LIN52: variants seen among roughly 807,000 people sequenced by gnomAD.
LIN52 encodes protein lin-52 homolog.
In LIN52, 4 loss-of-function variants were observed where a neutral mutation model predicts 18.5. That is an observed-to-expected ratio of 0.22 (90% CI 0.11 to 0.49). The LOEUF is 0.49. Ranked by LOEUF, LIN52 falls within the 20% of genes least tolerant of loss-of-function variation. The probability of loss-of-function intolerance (pLI) is 0.97; values close to 1 mark genes in which losing one functional copy is unlikely to be tolerated. For missense variants in LIN52, 102 were observed against 139.5 expected (o/e 0.73, Z 1.35); for synonymous variants, 34 against 45.5 (o/e 0.75, Z 1.02).
At chr14:74,094,439 G>A (rs1022747869) in intron 2 of LIN52, among the ~76,000 whole-genome samples, 1 of 151,632 alleles carries the variant, frequency 6.6e-6, no homozygotes, top group African/African-American at 2.4e-5. Context: ...AAAAAATTTT[G>A]GGGGGGACAA....
In LIN52 at chr14:74,131,206, T is replaced by C. The variant is rs1057107899; in HGVS notation, c.283+29968T>C. On this transcript the variant is annotated intron_variant, in intron 5 of 5. Transcript: ENST00000555028. ...TTGTCCAGTATAGTTGTGCTTTTCA[T>C]GGCTGTTAGCAATCTTGAGTAAACC... Among the ~76,000 whole-genome samples, 3 of 152,340 alleles carry C rather than the reference T, an allele frequency of 2.0e-5. No homozygotes were observed. In the East Asian group the frequency reaches 5.8e-4, roughly 29 times the overall value.
intron 5 of LIN52, 117 bp from the exon 6 acceptor site, chr14:74,198,805 G>T: frequency 1.3e-6 from 1 of 760,418 alleles, no homozygotes; most frequent in Non-Finnish European, 2.2e-6. Context: ...TGAATCTGTT[G>T]TGATAGCAAC....
At chr14:74,135,042 T>G (rs1179495465) in intron 5 of LIN52, among the ~76,000 whole-genome samples, 3 of 152,074 alleles carry the variant, frequency 2.0e-5, no homozygotes, top group Non-Finnish European at 2.9e-5. Context: ...CTGAACCTTC[T>G]TTGAGGTAGG....
intron 5 of LIN52, among the ~76,000 whole-genome samples, chr14:74,196,025 G>A (rs1356250176): frequency 1.3e-5 from 2 of 152,082 alleles, no homozygotes; most frequent in Non-Finnish European, 2.9e-5. Flanking sequence ...TTTAGGGAGC[G>A]GCTGTGTCAT....
chr14:74,161,659 C>T (rs1478925784), intron 5 of LIN52, among the ~76,000 whole-genome samples: 1 of 152,204 alleles, frequency 6.6e-6, no homozygotes, highest in African/African-American at 2.4e-5. Flanking sequence ...TGAGGTTCAG[C>T]CCTCTGAAGG....
chr14:74,180,866 T>C (rs1385624589), intron 5 of LIN52, among the ~76,000 whole-genome samples: 1 of 152,022 alleles, frequency 6.6e-6, no homozygotes, highest in Non-Finnish European at 1.5e-5. Flanking sequence ...ATCGGTACTT[T>C]GGGAGGCTGA....
At chr14:74,089,010 C>A (rs759588893) in intron 1 of LIN52, among the ~76,000 whole-genome samples, 1 of 152,030 alleles carries the variant, frequency 6.6e-6, no homozygotes, top group Non-Finnish European at 1.5e-5. Flanking sequence ...GAGAGAGACA[C>A]GAACTGATTG....
chr14:74,085,100 CT>C, intron 1 of LIN52, 107 bp downstream of exon 1: 6 of 1,049,966 alleles, frequency 5.7e-6, no homozygotes, highest in Non-Finnish European at 7.7e-6. Context: ...TTGGGCTCTT[CT>C]CCTTTCCCTT....
intron 5 of LIN52, among the ~76,000 whole-genome samples, chr14:74,166,293 C>T (rs531921103): frequency 3.3e-5 from 5 of 152,124 alleles, no homozygotes; most frequent in African/African-American, 4.8e-5. Flanking sequence ...CTCAGCTCAC[C>T]GCAACCTCCG....
intron 2 of LIN52, among the ~76,000 whole-genome samples, chr14:74,094,378 G>A (rs2060793938): frequency 6.6e-6 from 1 of 151,790 alleles, no homozygotes; most frequent in South Asian, 2.1e-4. Context: ...TCTCACTTCA[G>A]CCTCCTGAGT....
At chr14:74,124,394 G>A (rs1254094382) in intron 5 of LIN52, among the ~76,000 whole-genome samples, 1 of 152,144 alleles carries the variant, frequency 6.6e-6, no homozygotes, top group Non-Finnish European at 1.5e-5. Flanking sequence ...GTATCTTAAA[G>A]ATTCAGTTTC....
At chr14:74,131,586 G>C (rs2061068040) in intron 5 of LIN52, among the ~76,000 whole-genome samples, 1 of 152,182 alleles carries the variant, frequency 6.6e-6, no homozygotes, top group Non-Finnish European at 1.5e-5. Context: ...AAAGTGCTGG[G>C]ATTACAGGCG....
intron 5 of LIN52, among the ~76,000 whole-genome samples, chr14:74,165,932 C>T (rs1334451384): frequency 1.3e-5 from 2 of 151,458 alleles, no homozygotes; most frequent in African/African-American, 2.4e-5. Flanking sequence ...GTTCTTCTTG[C>T]CCAGGCTAGG....
chr14:74,092,312 TATG>T (rs541640550), intron 2 of LIN52, among the ~76,000 whole-genome samples: 27 of 116,872 alleles, frequency 2.3e-4, no homozygotes, highest in African/African-American at 6.6e-4. Flanking sequence ...TATATATATA[TATG>T]TTTTTTTTAG....
chr14:74,182,318 G>T (rs1420559637), intron 5 of LIN52, among the ~76,000 whole-genome samples: 1 of 152,042 alleles, frequency 6.6e-6, no homozygotes, highest in East Asian at 1.9e-4. Context: ...GACCTTTTGT[G>T]CATTTTTTCC....
chr14:74,127,286 G>A (rs957290346), intron 5 of LIN52, among the ~76,000 whole-genome samples: 1 of 152,210 alleles, frequency 6.6e-6, no homozygotes, highest in African/African-American at 2.4e-5. Context: ...AAGAGGGCAG[G>A]GATGGGTCTC....
At chr14:74,114,237 A>T in intron 5 of LIN52, 3 of 981,760 alleles carry the variant, frequency 3.1e-6, no homozygotes, top group Non-Finnish European at 3.6e-6. Flanking sequence ...GCTTTAAAAA[A>T]TTTTATTCTA....
intron 1 of LIN52, among the ~76,000 whole-genome samples, chr14:74,089,011 G>A (rs959948301): frequency 6.6e-6 from 1 of 152,114 alleles, no homozygotes; most frequent in African/African-American, 2.4e-5. Context: ...AGAGAGACAC[G>A]AACTGATTGA....
chr14:74,119,160 C>CTTTT (rs543503099), intron 5 of LIN52, among the ~76,000 whole-genome samples: 90 of 115,386 alleles, frequency 7.8e-4, no homozygotes, highest in Middle Eastern at 4.7e-3. Flanking sequence ...GATTTTCTTT[C>CTTTT]TTTTTTTTTT....
Sources: allele counts gnomAD v4.1 joint callset (sites outside exome capture counted in the v4.1 genomes callset), GRCh38; gene constraint gnomAD v4.1.1; transcripts MANE v1.5; gene names NCBI Gene and HGNC (gene_info 2026-07-23, HGNC 2026-07-21).